The following RASGRF2 variants were observed in gnomAD, a reference collection of about 807,000 sequenced individuals.
The protein encoded by RASGRF2 is Ras protein specific guanine nucleotide releasing factor 2, also known as ras-specific guanine nucleotide-releasing factor 2.
In RASGRF2, 76 loss-of-function variants were observed where a neutral mutation model predicts 151.0. The ratio of observed to expected loss-of-function variants is 0.50; its 90% confidence interval spans 0.42 to 0.61. RASGRF2 has a LOEUF of 0.61. Among genes scored for constraint, RASGRF2 ranks in the 20% least tolerant of loss-of-function variants. The pLI is 0.00. For synonymous variants in RASGRF2, 504 were observed against 566.5 expected (o/e 0.89, Z 1.57); for missense variants, 1,148 against 1,564.6 (o/e 0.73, Z 4.49).
At chr5:81,023,952 A>G (rs187385452) in intron 1 of RASGRF2, among the ~76,000 whole-genome samples, 1 of 152,346 alleles carries the variant, frequency 6.6e-6, no homozygotes, top group Admixed American at 6.5e-5. Context: ...TTTATTGAAT[A>G]TAATGTTAAC....
intron 1 of RASGRF2, among the ~76,000 whole-genome samples, chr5:80,980,808 A>G (rs1748274611): frequency 6.6e-6 from 1 of 152,140 alleles, no homozygotes; most frequent in Non-Finnish European, 1.5e-5. Flanking sequence ...GGGGTCTTAG[A>G]AGGCAGGTTT....
intron 1 of RASGRF2, among the ~76,000 whole-genome samples, chr5:80,988,090 A>T (rs1309676682): frequency 2.0e-5 from 3 of 151,020 alleles, no homozygotes; most frequent in Non-Finnish European, 4.4e-5. Flanking sequence ...TTGCTGTCAC[A>T]CCCAGGCTGG....
chr5:80,990,803 C>A (rs1419679174), intron 1 of RASGRF2, among the ~76,000 whole-genome samples: 1 of 152,172 alleles, frequency 6.6e-6, no homozygotes, highest in Non-Finnish European at 1.5e-5. Flanking sequence ...ACAGTGACTT[C>A]AAATGTCCAT....
chr5:81,053,518 T>C (rs1475430358), intron 2 of RASGRF2, among the ~76,000 whole-genome samples: 3 of 152,058 alleles, frequency 2.0e-5, no homozygotes, highest in Non-Finnish European at 4.4e-5. Flanking sequence ...CTTAATCCAG[T>C]CTATCATTGA....
At chr5:81,026,072 T>C (rs1264873271) in intron 1 of RASGRF2, among the ~76,000 whole-genome samples, 1 of 127,040 alleles carries the variant, frequency 7.9e-6, no homozygotes, top group Non-Finnish European at 1.6e-5. Flanking sequence ...CTCCTTCCTC[T>C]CTCCCTCCCT....
At chr5:81,148,721 C>T (rs574977595) in intron 17 of RASGRF2, among the ~76,000 whole-genome samples, 15 of 151,050 alleles carry the variant, frequency 9.9e-5, no homozygotes, top group Non-Finnish European at 2.1e-4. Flanking sequence ...ATACCTAATG[C>T]GAAATGACGA....
chr5:81,174,839 A>G (rs6876203), intron 17 of RASGRF2, among the ~76,000 whole-genome samples: 137,474 of 152,272 alleles, frequency 0.9, 62,177 homozygotes, highest in Admixed American at 0.94. Context: ...AATATGAAAC[A>G]TATCTGTCTA....
chr5:81,199,858 A>G (rs1755346269), intron 18 of RASGRF2, among the ~76,000 whole-genome samples: 1 of 144,104 alleles, frequency 6.9e-6, no homozygotes, highest in African/African-American at 2.6e-5. Context: ...AGATCACGTC[A>G]CTGCACTCCA....
intron 15 of RASGRF2, among the ~76,000 whole-genome samples, chr5:81,117,058 G>T (rs1366138393): frequency 6.6e-6 from 1 of 152,170 alleles, no homozygotes; most frequent in Non-Finnish European, 1.5e-5. Context: ...AACTTGTTGT[G>T]CAGGGAATGT....
At chr5:81,026,943 A>T (rs1750056691) in intron 1 of RASGRF2, among the ~76,000 whole-genome samples, 1 of 152,240 alleles carries the variant, frequency 6.6e-6, no homozygotes. Flanking sequence ...TGAATAGATA[A>T]GAATGAGTGG....
chr5:81,202,867 A>C (rs1338044473), intron 19 of RASGRF2, among the ~76,000 whole-genome samples: 2 of 152,260 alleles, frequency 1.3e-5, no homozygotes, highest in Non-Finnish European at 2.9e-5. Flanking sequence ...CCAGCAGCTA[A>C]AAAGGCAAGG....
intron 1 of RASGRF2, among the ~76,000 whole-genome samples, chr5:80,991,633 G>C (rs1748653159): frequency 6.6e-6 from 1 of 152,008 alleles, no homozygotes; most frequent in South Asian, 2.1e-4. Context: ...GTGCCTGTTT[G>C]CTTTAATATC....
At position 80,989,218 on chromosome 5, in the gene RASGRF2, G is replaced by A. The variant is rs184756077; in HGVS notation, c.288+28192G>A. On this transcript the variant is annotated intron_variant, in intron 1 of 26. Coordinates refer to ENST00000265080, the MANE Select transcript of RASGRF2 (RefSeq NM_006909.3). ...ACTCCTGGCCTCAAGTGATCCCCCC[G>A]CGTCTGTCTCCCAAAGTGCTGGGAT... 4.0e-3 allele frequency among the ~76,000 whole-genome samples: 606 copies of A among 152,174 alleles called. 2 individuals carry two copies. The highest frequency in any genetic ancestry group is 0.021 in the South Asian group (102 of 4,812).
chr5:81,207,710 A>G (rs963821912), intron 21 of RASGRF2, among the ~76,000 whole-genome samples: 9 of 152,232 alleles, frequency 5.9e-5, no homozygotes, highest in African/African-American at 1.9e-4. Context: ...ATGATCAGGA[A>G]TGCTGCCCTG....
chr5:81,217,808 T>G (rs570937769), intron 25 of RASGRF2, among the ~76,000 whole-genome samples: 6 of 151,094 alleles, frequency 4.0e-5, no homozygotes, highest in Admixed American at 1.3e-4. Context: ...AGTGGCGCAA[T>G]CTCGGCTCAC....
intron 1 of RASGRF2, among the ~76,000 whole-genome samples, chr5:80,970,979 C>T (rs1747912340): frequency 6.6e-6 from 1 of 152,132 alleles, no homozygotes; most frequent in South Asian, 2.1e-4. Context: ...TGCGCTGTCA[C>T]CTGTACCGCC....
In RASGRF2 at chr5:81,094,973, G is replaced by A. The variant is rs1752508176; in HGVS notation, c.1736G>A (p.Trp579Ter). ...CCCTCACGCCAGGAGAAAGCTGCCT[G>A]GATGAGTGACATCAGTCAGGTAAGA... is the stretch of plus-strand genomic sequence containing the variant. The part of the protein sequence containing the change: ...LAPSRQEKAA[W>*]MSDISQCVDN... Residue 579 changes from tryptophan (W) to a stop codon, truncating the protein, a stop_gained, in exon 12 of 27, where the codon TGG becomes TAG. Transcript: ENST00000265080. LOFTEE classifies it high-confidence loss of function. 1 of 1,554,550 alleles carries A rather than the reference G, an allele frequency of 6.4e-7. No homozygotes were observed. The highest frequency in any genetic ancestry group is 8.7e-7 in the Non-Finnish European group (1 of 1,151,584).
At chr5:81,081,883 T>C (rs1752097376) in intron 7 of RASGRF2, among the ~76,000 whole-genome samples, 1 of 152,222 alleles carries the variant, frequency 6.6e-6, no homozygotes, top group African/African-American at 2.4e-5. Flanking sequence ...TTGTTTTCCT[T>C]TGGAACTGAA....
intron 1 of RASGRF2, among the ~76,000 whole-genome samples, chr5:80,994,769 C>G (rs1203953338): frequency 6.6e-6 from 1 of 152,140 alleles, no homozygotes; most frequent in East Asian, 1.9e-4. Context: ...TATGTACTCT[C>G]GAGGGAATTA....
Sources: gnomAD v4.1 joint callset for allele counts (sites outside exome capture counted in the v4.1 genomes callset) on GRCh38, gnomAD v4.1.1 for gene constraint, MANE v1.5 for transcripts, NCBI Gene and HGNC (gene_info 2026-07-23, HGNC 2026-07-21) for gene names.